Variants in ARID1B observed in about 807,000 individuals in gnomAD.
The protein encoded by ARID1B is AT-rich interactive domain-containing protein 1B.
ARID1B carries 30 observed loss-of-function variants against 212.3 expected under a neutral mutation model. That is an observed-to-expected ratio of 0.14 (90% CI 0.11 to 0.19). The LOEUF (loss-of-function observed/expected upper bound fraction) is 0.19, where lower values mean the gene tolerates loss of function less well. Among genes scored for constraint, ARID1B ranks in the 10% least tolerant of loss-of-function variants. The pLI is 1.00. For synonymous variants in ARID1B, 1,402 were observed against 1,301.7 expected (o/e 1.08, Z -1.66); for missense variants, 2,891 against 3,204.0 (o/e 0.90, Z 2.36).
intron 9 of ARID1B, chr6:157,167,791 T>C (rs138663867): frequency 6.6e-6 from 1 of 152,564 alleles, no homozygotes; most frequent in Non-Finnish European, 1.5e-5. Context: ...GAGTAGCCAA[T>C]GTGTGGAAAA....
rs1779118895 is a variant in ARID1B, at chr6:157,004,890, C to CTTTTTTGTTTTTTTTT, written c.2247+69320_2247+69321insGTTTTTTTTTTTTTTT. On this transcript the variant is annotated intron_variant, in intron 4 of 19. Coordinates refer to ENST00000636930, the MANE Select transcript of ARID1B (RefSeq NM_001374828.1). ...GCATTTCTTTTTTCTTTTTCTTCTT[C>CTTTTTTGTTTTTTTTT]TTTTTTCTTTTTTTTTTTTTTTTTT... is the stretch of plus-strand genomic sequence containing the variant. Among the ~76,000 whole-genome samples, 10 of 35,688 alleles carry CTTTTTTGTTTTTTTTT rather than the reference C, an allele frequency of 2.8e-4. 3 individuals carry two copies. Among genetic ancestry groups the CTTTTTTGTTTTTTTTT allele is most frequent in the African/African-American group, 3.9e-4 (6 of 15,378 alleles). The allele number at this position is 35,688 out of a possible 152,430, so 23.4% of individuals were successfully genotyped here. A position where few individuals can be genotyped will look rare whatever the true frequency, so the allele number is the denominator to read the frequency against.
At chr6:157,161,460 C>CG (rs552404095) in intron 8 of ARID1B, among the ~76,000 whole-genome samples, 6 of 140,996 alleles carry the variant, frequency 4.3e-5, no homozygotes, top group African/African-American at 1.1e-4. Context: ...TATATTTTGG[C>CG]GGGGGGGCAC....
chr6:156,850,029 C>G (rs902805581), intron 2 of ARID1B, among the ~76,000 whole-genome samples: 9 of 148,118 alleles, frequency 6.1e-5, no homozygotes, highest in African/African-American at 2.3e-4. Flanking sequence ...GATCTAGTAG[C>G]CCTGGACAAC....
At chr6:157,000,661 T>C (rs1267881609) in intron 4 of ARID1B, among the ~76,000 whole-genome samples, 1 of 151,140 alleles carries the variant, frequency 6.6e-6, no homozygotes, top group East Asian at 1.9e-4. Context: ...TTATGATGGA[T>C]TTACACCCTT....
intron 1 of ARID1B, among the ~76,000 whole-genome samples, chr6:156,786,880 T>G (rs1365100142): frequency 6.6e-6 from 1 of 152,010 alleles, no homozygotes; most frequent in Non-Finnish European, 1.5e-5. Flanking sequence ...CATCATTGAC[T>G]TAGAACTGGC....
intron 4 of ARID1B, among the ~76,000 whole-genome samples, chr6:157,042,585 A>G (rs944911820): frequency 6.6e-6 from 1 of 152,206 alleles, no homozygotes; most frequent in African/African-American, 2.4e-5. Flanking sequence ...TACTCTAAAA[A>G]AGAATGAGAA....
intron 1 of ARID1B, among the ~76,000 whole-genome samples, chr6:156,781,629 TAGTTATTGG>T (rs1369334340): frequency 6.6e-6 from 1 of 152,146 alleles, no homozygotes; most frequent in African/African-American, 2.4e-5. Context: ...TTCAGATCTT[TAGTTATTGG>T]AGTTTTGCTT....
At chr6:157,092,565 A>G (rs1785344370) in intron 5 of ARID1B, among the ~76,000 whole-genome samples, 1 of 152,246 alleles carries the variant, frequency 6.6e-6, no homozygotes, top group African/African-American at 2.4e-5. Context: ...CTTTTCTTCA[A>G]AAGCACAAAT....
intron 4 of ARID1B, among the ~76,000 whole-genome samples, chr6:157,018,198 C>G (rs1583154883): frequency 9.5e-6 from 1 of 105,436 alleles, no homozygotes; most frequent in Non-Finnish European, 1.9e-5. Context: ...AATGTCTAAA[C>G]AAAAAGTAGT....
At chr6:157,069,649 A>C (rs1241476013) in intron 4 of ARID1B, among the ~76,000 whole-genome samples, 4 of 152,224 alleles carry the variant, frequency 2.6e-5, no homozygotes, top group African/African-American at 9.7e-5. Context: ...ATTCAAGGGC[A>C]ATCCTGTTTG....
intron 4 of ARID1B, among the ~76,000 whole-genome samples, chr6:157,044,042 G>A (rs1430184485): frequency 2.6e-5 from 4 of 152,146 alleles, no homozygotes; most frequent in Admixed American, 2.6e-4. Context: ...TTACATTCTG[G>A]ACACAACATT....
intron 2 of ARID1B, among the ~76,000 whole-genome samples, chr6:156,837,690 TGA>T (rs1783607633): frequency 6.6e-6 from 1 of 152,174 alleles, no homozygotes. Context: ...TAGTTGTGAA[TGA>T]AATTAAGAAA....
At chr6:156,916,267 A>G (rs1043167860) in intron 3 of ARID1B, among the ~76,000 whole-genome samples, 1 of 152,146 alleles carries the variant, frequency 6.6e-6, no homozygotes, top group African/African-American at 2.4e-5. Flanking sequence ...TTTTGTTACC[A>G]TTACCATTTC....
At chr6:157,145,346 G>A (rs925221851) in intron 7 of ARID1B, among the ~76,000 whole-genome samples, 1 of 152,106 alleles carries the variant, frequency 6.6e-6, no homozygotes, top group African/African-American at 2.4e-5. Flanking sequence ...GGCTGCTTTG[G>A]GGGCTACAGT....
At chr6:157,079,479 G>A (rs553167620) in intron 4 of ARID1B, among the ~76,000 whole-genome samples, 19 of 152,214 alleles carry the variant, frequency 1.2e-4, no homozygotes, top group South Asian at 1.0e-3. Flanking sequence ...TTCATATCAC[G>A]TGACCAAAAA....
chr6:156,779,149 G>T lies in ARID1B; in HGVS notation c.1469G>T (p.Gly490Val). 1 of 1,296,448 alleles carries T rather than the reference G, an allele frequency of 7.7e-7. No homozygotes were observed. The highest frequency in any genetic ancestry group is 2.1e-5 in the South Asian group (1 of 47,338). 80.3% of individuals were successfully genotyped at this position (1,296,448 alleles called of 1,614,324 possible). A position where few individuals can be genotyped will look rare whatever the true frequency, so the allele number is the denominator to read the frequency against. Residue 490 changes from glycine to valine, a missense_variant, in exon 1 of 20, where the codon GGC (glycine) becomes GTC (valine). By Grantham distance (109) the Gly-to-Val change is moderately radical. This residue lies in a region of ARID1B where 1,643 missense variants were observed against 1,544.0 expected (regional missense o/e 1.06). Transcript: ENST00000636930. ...SAAGGFQRFA[G>V]QNQHPSGATP... ...GCGGGGGGCTTCCAGCGCTTCGCCG[G>T]CCAGAACCAGCACCCGTCGGGGGCC...
chr6:156,876,102 G>A (rs146710488), intron 2 of ARID1B, among the ~76,000 whole-genome samples: 179 of 152,276 alleles, frequency 1.2e-3, no homozygotes, highest in African/African-American at 4.2e-3. Context: ...TTGTATCTCT[G>A]GATGATAGTG....
intron 7 of ARID1B, among the ~76,000 whole-genome samples, chr6:157,134,121 T>G (rs146068227): frequency 8.8e-4 from 134 of 152,314 alleles, no homozygotes; most frequent in African/African-American, 3.2e-3. Context: ...TGGGAAACTG[T>G]AGTAAAATGT....
At chr6:156,881,929 T>C (rs287873) in intron 2 of ARID1B, among the ~76,000 whole-genome samples, 98,878 of 152,122 alleles carry the variant, frequency 0.65, 33,290 homozygotes, top group African/African-American at 0.83. Flanking sequence ...AGAACTCATT[T>C]ACTTGGGTAG....
Sources: gnomAD v4.1 joint callset for allele counts (sites outside exome capture counted in the v4.1 genomes callset) on GRCh38, gnomAD v4.1.1 for gene constraint, gnomAD v4.1.1 regional missense constraint, MANE v1.5 for transcripts, NCBI Gene and HGNC (gene_info 2026-07-23, HGNC 2026-07-21) for gene names.